The following NEGR1 variants were observed in gnomAD, a reference collection of about 807,000 sequenced individuals.
NEGR1 encodes the protein neuronal growth regulator 1, also known as IgLON family member 4.
A neutral mutation model predicts 40.9 loss-of-function variants in NEGR1; 10 were observed. The observed-to-expected ratio is 0.24, with a 90% CI of 0.15 to 0.42. NEGR1 has a LOEUF of 0.42. Ranked by LOEUF, NEGR1 falls within the 10% of genes least tolerant of loss-of-function variation. The probability of loss-of-function intolerance (pLI) is 1.00; values close to 1 mark genes in which losing one functional copy is unlikely to be tolerated. For missense variants in NEGR1, 352 were observed against 438.9 expected, an observed-to-expected ratio of 0.80 and a Z score of 1.77; for synonymous variants, 185 against 166.8, an observed-to-expected ratio of 1.11 and a Z score of -0.84.
intron 2 of NEGR1, chr1:71,798,064 A>G (rs1361696895): frequency 6.6e-6 from 1 of 152,094 alleles, no homozygotes; most frequent in East Asian, 1.9e-4. Context: ...CAAAGAGCCA[A>G]ATATTCTTAC....
chr1:71,433,808 T>C (rs2101299588), intron 6 of NEGR1, among the ~76,000 whole-genome samples: 1 of 152,318 alleles, frequency 6.6e-6, no homozygotes, highest in African/African-American at 2.4e-5. Flanking sequence ...GTGAGAGAGA[T>C]TATCTTTCTC....
At chr1:72,154,099 T>C (rs1651266075) in intron 1 of NEGR1, among the ~76,000 whole-genome samples, 1 of 151,806 alleles carries the variant, frequency 6.6e-6, no homozygotes, top group Non-Finnish European at 1.5e-5. Flanking sequence ...GTAACCTGGA[T>C]AGATTTGGGC....
intron 2 of NEGR1, among the ~76,000 whole-genome samples, chr1:71,912,015 A>G (rs1000154807): frequency 6.6e-6 from 1 of 152,228 alleles, no homozygotes; most frequent in Non-Finnish European, 1.5e-5. Context: ...TCTGGCAGGT[A>G]GTAATGACTA....
intron 3 of NEGR1, among the ~76,000 whole-genome samples, chr1:71,765,396 GA>G (rs1399575240): frequency 2.6e-5 from 4 of 152,046 alleles, no homozygotes; most frequent in African/African-American, 9.7e-5. Context: ...AGAGTTTGTT[GA>G]ATCTCAAAGC....
chr1:72,226,675 G>GT (rs1468778404), intron 1 of NEGR1, among the ~76,000 whole-genome samples: 2 of 151,892 alleles, frequency 1.3e-5, no homozygotes, highest in Non-Finnish European at 2.9e-5. Flanking sequence ...TATATTCCCA[G>GT]TATGTTCCTC....
At chr1:72,231,679 T>G (rs1271035936) in intron 1 of NEGR1, among the ~76,000 whole-genome samples, 1 of 152,198 alleles carries the variant, frequency 6.6e-6, no homozygotes, top group Non-Finnish European at 1.5e-5. Flanking sequence ...ATTTTGTTCA[T>G]TAATTTGTGA....
intron 3 of NEGR1, among the ~76,000 whole-genome samples, chr1:71,775,075 A>G (rs1656455241): frequency 6.6e-6 from 1 of 152,218 alleles, no homozygotes; most frequent in African/African-American, 2.4e-5. Context: ...TGAAAGCTGC[A>G]GTTTGAAATC....
intron 1 of NEGR1, among the ~76,000 whole-genome samples, chr1:72,267,680 T>A (rs1446927448): frequency 1.3e-5 from 2 of 151,224 alleles, no homozygotes; most frequent in Non-Finnish European, 3.0e-5. Flanking sequence ...GCTATTTCAA[T>A]GAAGAATTAT....
At chr1:71,789,492 G>T (rs912900529) in intron 2 of NEGR1, among the ~76,000 whole-genome samples, 2 of 151,964 alleles carry the variant, frequency 1.3e-5, no homozygotes, top group Admixed American at 1.3e-4. Context: ...GAAATACTTT[G>T]CCACTTCTCC....
chr1:71,598,690 A>G (rs961132819), intron 5 of NEGR1, among the ~76,000 whole-genome samples: 22 of 152,222 alleles, frequency 1.4e-4, no homozygotes, highest in African/African-American at 4.8e-4. Flanking sequence ...TATATGTAGA[A>G]TATAGTCAAG....
chr1:72,057,879 G>A (rs188972718), intron 1 of NEGR1, among the ~76,000 whole-genome samples: 1 of 151,476 alleles, frequency 6.6e-6, no homozygotes, highest in African/African-American at 2.4e-5. Context: ...TATGGGATTA[G>A]GACCTCATCT....
intron 6 of NEGR1, 132 bp downstream of exon 6, chr1:71,592,685 G>A (rs1345196404): frequency 1.1e-5 from 7 of 635,636 alleles, no homozygotes; most frequent in South Asian, 5.9e-5. Context: ...TAAGGATTGC[G>A]TGATGTATAA....
intron 1 of NEGR1, among the ~76,000 whole-genome samples, chr1:71,999,032 T>C (rs1017349499): frequency 7.2e-5 from 11 of 151,932 alleles, no homozygotes; most frequent in African/African-American, 2.2e-4. Flanking sequence ...GAATACATGA[T>C]TGAATGAATT....
chr1:71,810,319 C>T lies in NEGR1; in HGVS notation c.410-34022G>A, dbSNP rs1000797643. Among the ~76,000 whole-genome samples the T allele has an allele frequency of 1.6e-4, 24 of 152,026 alleles. 2 individuals are homozygous for T. Among genetic ancestry groups the T allele is most frequent in the Admixed American group, 1.2e-3 (18 of 15,252 alleles). On this transcript the variant is annotated intron_variant, in intron 2 of 6. Coordinates refer to ENST00000357731, the MANE Select transcript of NEGR1 (RefSeq NM_173808.3). ...TTTTGAAATCATGGTTTTTCTTTTA[C>T]ACAGAGAATGGAATTGACAGTATGG... is the stretch of plus-strand genomic sequence containing the variant.
At chr1:71,860,675 A>G (rs1659919260) in intron 2 of NEGR1, among the ~76,000 whole-genome samples, 1 of 152,050 alleles carries the variant, frequency 6.6e-6, no homozygotes, top group African/African-American at 2.4e-5. Context: ...CTAAAAGCAA[A>G]ACAACATGAA....
At chr1:72,203,582 T>G (rs1437563499) in intron 1 of NEGR1, among the ~76,000 whole-genome samples, 2 of 152,104 alleles carry the variant, frequency 1.3e-5, no homozygotes, top group African/African-American at 4.8e-5. Flanking sequence ...TTAGAATATT[T>G]ACATAAAACT....
intron 4 of NEGR1, among the ~76,000 whole-genome samples, chr1:71,626,804 AAAAC>A (rs1442747085): frequency 7.9e-5 from 12 of 151,772 alleles, no homozygotes; most frequent in Admixed American, 7.9e-4. Flanking sequence ...TTACAAGAAA[AAAAC>A]AAACAACCCC....
chr1:71,955,546 C>A (rs1251778735), intron 1 of NEGR1, among the ~76,000 whole-genome samples: 1 of 152,152 alleles, frequency 6.6e-6, no homozygotes, highest in Non-Finnish European at 1.5e-5. Context: ...CTCTTATACA[C>A]TCATTTCTTA....
At chr1:72,132,994 T>C (rs1246366941) in intron 1 of NEGR1, among the ~76,000 whole-genome samples, 1 of 152,128 alleles carries the variant, frequency 6.6e-6, no homozygotes, top group African/African-American at 2.4e-5. Context: ...CTTCTTTTTT[T>C]CTGAAAAAAT....
Sources: gnomAD v4.1 joint callset for allele counts (sites outside exome capture counted in the v4.1 genomes callset) on GRCh38, gnomAD v4.1.1 for gene constraint, MANE v1.5 for transcripts, NCBI Gene and HGNC (gene_info 2026-07-23, HGNC 2026-07-21) for gene names.